Variants in MGAT5 observed in about 807,000 individuals in gnomAD.
MGAT5 encodes alpha-1,6-mannosylglycoprotein 6-beta-N-acetylglucosaminyltransferase.
MGAT5 carries 30 observed loss-of-function variants against 94.3 expected under a neutral mutation model. The observed-to-expected ratio is 0.32, with a 90% CI of 0.24 to 0.43. MGAT5 has a LOEUF of 0.43. MGAT5 is among the 20% of genes least tolerant of loss of function. MGAT5 has a pLI of 1.00. For missense variants in MGAT5, 691 were observed against 905.5 expected (o/e 0.76, Z 3.04); for synonymous variants, 310 against 322.9 (o/e 0.96, Z 0.43).
At chr2:134,242,416 G>A (rs1482732203) in intron 1 of MGAT5, among the ~76,000 whole-genome samples, 1 of 152,334 alleles carries the variant, frequency 6.6e-6, no homozygotes, top group Middle Eastern at 3.4e-3. Context: ...AGCTGGATAT[G>A]TGTCAGTAGG....
chr2:134,243,701 A>G (rs574689334), intron 1 of MGAT5, among the ~76,000 whole-genome samples: 5 of 152,352 alleles, frequency 3.3e-5, no homozygotes, highest in Admixed American at 1.3e-4. Flanking sequence ...ATGTGTGTGC[A>G]CACATATGTA....
chr2:134,130,159 G>A (rs566190072), intron 1 of MGAT5, among the ~76,000 whole-genome samples: 12 of 149,858 alleles, frequency 8.0e-5, no homozygotes, highest in East Asian at 6.0e-4. Context: ...CCATCTTCCC[G>A]CGGGGCAGGG....
Position 134,217,862 on chromosome 2 carries a change from T to C in MGAT5, c.-142-36400T>C, listed in dbSNP as rs1338952119. ...TGCTAGATGTGAGTACAGTACTAGA[T>C]GTTTAAAGATGTTCTTATGCCTTGC... On this transcript the variant is annotated intron_variant, in intron 1 of 16. Transcript: ENST00000409645. Among the ~76,000 whole-genome samples the C allele has an allele frequency of 3.9e-5, 6 of 152,202 alleles. No homozygotes were observed. The East Asian group carries it at 1.2e-3, about 29-fold the overall frequency.
intron 14 of MGAT5, among the ~76,000 whole-genome samples, chr2:134,440,408 G>T (rs1685419355): frequency 6.9e-6 from 1 of 143,948 alleles, no homozygotes; most frequent in South Asian, 2.2e-4. Flanking sequence ...TTTCTCCAGG[G>T]TCTCTGGTTT....
intron 4 of MGAT5, among the ~76,000 whole-genome samples, chr2:134,333,012 T>A (rs62168057): frequency 0.16 from 23,928 of 152,064 alleles, 2,023 homozygotes; most frequent in Middle Eastern, 0.36. Flanking sequence ...TCAACCATTG[T>A]GGAAGTCAGT....
chr2:134,219,794 T>C (rs1680667045), intron 1 of MGAT5, among the ~76,000 whole-genome samples: 1 of 152,152 alleles, frequency 6.6e-6, no homozygotes, highest in Non-Finnish European at 1.5e-5. Context: ...GAACTTCTGG[T>C]GAAGTTGTTA....
At chr2:134,256,858 G>T (rs1682996496) in intron 1 of MGAT5, among the ~76,000 whole-genome samples, 1 of 152,156 alleles carries the variant, frequency 6.6e-6, no homozygotes, top group Non-Finnish European at 1.5e-5. Flanking sequence ...CTCTTTCATC[G>T]AATCAACTTT....
chr2:134,262,329 C>T (rs536041916), intron 1 of MGAT5, among the ~76,000 whole-genome samples: 3 of 152,358 alleles, frequency 2.0e-5, no homozygotes, highest in African/African-American at 7.2e-5. Flanking sequence ...CCTCCCCCTC[C>T]CAGACTCAAG....
chr2:134,285,244 A>G (rs1172561746), intron 2 of MGAT5, among the ~76,000 whole-genome samples: 1 of 151,328 alleles, frequency 6.6e-6, no homozygotes, highest in East Asian at 1.9e-4. Flanking sequence ...TTTCTAGAGC[A>G]CTGTCAATGA....
rs756902882 is a variant in MGAT5, at chr2:134,452,812, C to G, written c.*3965C>G. 5.9e-5 allele frequency: 9 copies of G among 152,112 alleles called. No homozygotes were observed. The highest frequency in any genetic ancestry group is 1.0e-4 in the Non-Finnish European group (7 of 68,022). The allele number at this position is 152,112 out of a possible 1,614,324, so 9.4% of individuals were successfully genotyped here. On this transcript the variant is annotated 3_prime_UTR_variant, in exon 16 of 16. Transcript: ENST00000281923. ...TGGCTTTATTCTAATCCCATCCATC[C>G]CTGTGGAGCTGCAGAGCATCTTCAT...
chr2:134,290,186 T>C (rs977352481), intron 2 of MGAT5, among the ~76,000 whole-genome samples: 2 of 152,212 alleles, frequency 1.3e-5, no homozygotes, highest in Admixed American at 6.5e-5. Context: ...AAGTGCACAC[T>C]TGAAACAGAT....
intron 1 of MGAT5, among the ~76,000 whole-genome samples, chr2:134,217,239 G>GT (rs1491353508): frequency 4.4e-4 from 2 of 4,532 alleles, no homozygotes; most frequent in Non-Finnish European, 1.1e-3. Flanking sequence ...AGAGAGAGTG[G>GT]TGTGTGTGTG....
At chr2:134,432,738 T>A (rs1684953428) in intron 14 of MGAT5, among the ~76,000 whole-genome samples, 1 of 152,178 alleles carries the variant, frequency 6.6e-6, no homozygotes. Flanking sequence ...ACCTAACATC[T>A]CTATGCTCTT....
rs113582076 is a variant in MGAT5 at position 134,189,592 on chromosome 2, G to GTTTTTTTTTTTTTTTTTTTTTTTTTT, written c.-142-64661_-142-64660insTTTTTTTTTTTTTTTTTTTTTTTTTT. ...ACATATGACTAACCTCATGGCTCTA[G>GTTTTTTTTTTTTTTTTTTTTTTTTTT]TTTTTTTTTGTTTTTTTTTTTTTTT... On this transcript the variant is annotated intron_variant, in intron 1 of 16. Coordinates refer to the MGAT5 transcript ENST00000409645. 4.1e-4 allele frequency among the ~76,000 whole-genome samples: 23 copies of GTTTTTTTTTTTTTTTTTTTTTTTTTT among 56,270 alleles called. 2 individuals carry two copies. Among genetic ancestry groups the GTTTTTTTTTTTTTTTTTTTTTTTTTT allele is most frequent in the African/African-American group, 1.3e-3 (21 of 16,092 alleles). 36.9% of individuals were successfully genotyped at this position (56,270 alleles called of 152,430 possible).
Position 134,254,611 on chromosome 2 carries a change from G to C in MGAT5, c.208G>C (p.Asp70His). The change falls in exon 1 of 16, where the codon GAT becomes CAT. Residue 70 changes from aspartate to histidine, a missense_variant. Asp to His is a moderately conservative substitution (Grantham distance 81). This residue lies in a region of MGAT5 where 307 missense variants were observed against 335.4 expected (regional missense o/e 0.92). Transcript: ENST00000281923. ...ALAEENRNVV[D>H]GPYAGVMTAY... ...GGCAGAAGAAAACAGGAATGTGGTGGATGGGCCATACGCTGGAGTCATGAC... is the reference window on the plus strand; with the variant it reads ...GGCAGAAGAAAACAGGAATGTGGTGCATGGGCCATACGCTGGAGTCATGAC... The C allele has an allele frequency of 6.2e-7, 1 of 1,614,214 alleles. No individual in the cohort carries two copies. The highest frequency in any genetic ancestry group is 8.5e-7 in the Non-Finnish European group (1 of 1,180,038).
At chr2:134,362,507 C>A in intron 10 of MGAT5, 99 bp downstream of exon 10, 2 of 1,388,380 alleles carry the variant, frequency 1.4e-6, no homozygotes, top group Non-Finnish European at 2.0e-6. Flanking sequence ...GTGCCCAGGG[C>A]TTAATGGGAT....
At chr2:134,297,852 G>A (rs1685770320) in intron 2 of MGAT5, among the ~76,000 whole-genome samples, 1 of 151,728 alleles carries the variant, frequency 6.6e-6, no homozygotes, top group African/African-American at 2.4e-5. Flanking sequence ...TTAAGTGATG[G>A]GTAGAAGGGA....
At chr2:134,265,108 C>CT (rs1683628902) in intron 1 of MGAT5, among the ~76,000 whole-genome samples, 1 of 152,126 alleles carries the variant, frequency 6.6e-6, no homozygotes, top group African/African-American at 2.4e-5. Context: ...CACAGCAGGG[C>CT]TAAGAACCAC....
At chr2:134,158,804 G>C (rs553787898) in intron 1 of MGAT5, among the ~76,000 whole-genome samples, 38 of 152,274 alleles carry the variant, frequency 2.5e-4, no homozygotes, top group South Asian at 1.4e-3. Context: ...CCCCCAAAGA[G>C]CTTTTAGAGT....
Sources: allele counts gnomAD v4.1 joint callset (sites outside exome capture counted in the v4.1 genomes callset), GRCh38; gene constraint gnomAD v4.1.1; regional missense constraint gnomAD v4.1.1; transcripts MANE v1.5; gene names NCBI Gene and HGNC (gene_info 2026-07-23, HGNC 2026-07-21).